CLSTN2: variants seen among roughly 807,000 people sequenced by gnomAD.
CLSTN2 encodes calsyntenin-2.
A neutral mutation model predicts 101.2 loss-of-function variants in CLSTN2; 48 were observed. The observed-to-expected ratio is 0.47, with a 90% CI of 0.38 to 0.60. The LOEUF (loss-of-function observed/expected upper bound fraction) is 0.60, where lower values mean the gene tolerates loss of function less well. Among genes scored for constraint, CLSTN2 ranks in the 20% least tolerant of loss-of-function variants. CLSTN2 has a pLI of 0.00. For synonymous variants in CLSTN2, 481 were observed against 463.6 expected, an observed-to-expected ratio of 1.04 and a Z score of -0.48; for missense variants, 1,160 against 1,238.2, an observed-to-expected ratio of 0.94 and a Z score of 0.95.
chr3:140,378,183 T>C (rs2087940357), intron 2 of CLSTN2, among the ~76,000 whole-genome samples: 1 of 152,218 alleles, frequency 6.6e-6, no homozygotes. Flanking sequence ...TGCTCAACAA[T>C]GAAATTTCTA....
At chr3:139,993,647 A>G (rs149617143) in intron 1 of CLSTN2, among the ~76,000 whole-genome samples, 116 of 152,282 alleles carry the variant, frequency 7.6e-4, no homozygotes, top group African/African-American at 2.7e-3. Context: ...CCGTGCCTGT[A>G]CTTTCTGGAT....
At chr3:140,266,527 T>C (rs1361233944) in intron 2 of CLSTN2, among the ~76,000 whole-genome samples, 1 of 152,178 alleles carries the variant, frequency 6.6e-6, no homozygotes, top group Non-Finnish European at 1.5e-5. Flanking sequence ...GGAGAGCTAT[T>C]CAAAGATGCA....
At chr3:140,465,312 C>T (rs1933664361) in intron 7 of CLSTN2, among the ~76,000 whole-genome samples, 1 of 152,236 alleles carries the variant, frequency 6.6e-6, no homozygotes, top group African/African-American at 2.4e-5. Context: ...AGCTCCAAGC[C>T]TCCCAGTGGT....
chr3:140,270,374 G>A (rs1430639916), intron 2 of CLSTN2, among the ~76,000 whole-genome samples: 1 of 152,198 alleles, frequency 6.6e-6, no homozygotes, highest in Non-Finnish European at 1.5e-5. Flanking sequence ...GGGTGTGTCT[G>A]TGGGAGACAG....
At chr3:140,194,522 T>C (rs986472904) in intron 2 of CLSTN2, among the ~76,000 whole-genome samples, 16 of 152,168 alleles carry the variant, frequency 1.1e-4, no homozygotes, top group Admixed American at 9.2e-4. Flanking sequence ...CATCTACTGA[T>C]TTAAAAAAAA....
intron 2 of CLSTN2, among the ~76,000 whole-genome samples, chr3:140,177,427 A>G (rs893137195): frequency 1.3e-5 from 2 of 152,194 alleles, no homozygotes; most frequent in Admixed American, 6.5e-5. Context: ...CAACCTCCGG[A>G]AATGAGATTT....
intron 2 of CLSTN2, among the ~76,000 whole-genome samples, chr3:140,220,637 A>T (rs761849398): frequency 1.4e-4 from 21 of 152,374 alleles, no homozygotes; most frequent in Middle Eastern, 3.4e-3. Context: ...ATCAGTAGAA[A>T]TATCTTCAAA....
intron 5 of CLSTN2, among the ~76,000 whole-genome samples, chr3:140,426,890 T>C (rs1243968217): frequency 6.6e-6 from 1 of 152,010 alleles, no homozygotes; most frequent in East Asian, 1.9e-4. Flanking sequence ...AAAGAGAGAA[T>C]GGGGCTGGGC....
At chr3:140,021,427 A>G (rs529227099) in intron 1 of CLSTN2, among the ~76,000 whole-genome samples, 2 of 152,204 alleles carry the variant, frequency 1.3e-5, no homozygotes, top group Non-Finnish European at 2.9e-5. Flanking sequence ...TACCGGCAGC[A>G]TTGCAGTGAG....
chr3:140,065,905 A>G (rs1323852345), intron 1 of CLSTN2, among the ~76,000 whole-genome samples: 1 of 152,208 alleles, frequency 6.6e-6, no homozygotes, highest in Non-Finnish European at 1.5e-5. Flanking sequence ...GATCTGCCCA[A>G]CCATGGTGGA....
At chr3:140,239,627 C>G (rs1482649157) in intron 2 of CLSTN2, among the ~76,000 whole-genome samples, 3 of 152,126 alleles carry the variant, frequency 2.0e-5, no homozygotes, top group African/African-American at 7.2e-5. Context: ...CAATATCATC[C>G]TCTGTGTCAG....
chr3:140,384,926 T>C (rs2088033426), intron 2 of CLSTN2, among the ~76,000 whole-genome samples: 3 of 152,222 alleles, frequency 2.0e-5, no homozygotes, highest in Non-Finnish European at 4.4e-5. Context: ...AGTGGAAATA[T>C]GGGATCTTTT....
chr3:139,967,931 G>A (rs1018805341), intron 1 of CLSTN2, among the ~76,000 whole-genome samples: 20 of 152,120 alleles, frequency 1.3e-4, no homozygotes, highest in African/African-American at 4.6e-4. Context: ...GGAACTACAT[G>A]TGATGATTCA....
intron 1 of CLSTN2, among the ~76,000 whole-genome samples, chr3:140,157,873 A>C (rs1232669876): frequency 2.6e-5 from 4 of 152,364 alleles, no homozygotes; most frequent in East Asian, 1.9e-4. Flanking sequence ...CAAATCAGTA[A>C]ATGTGATTCA....
intron 2 of CLSTN2, among the ~76,000 whole-genome samples, chr3:140,284,524 G>A (rs1376966859): frequency 2.0e-5 from 3 of 152,034 alleles, no homozygotes; most frequent in Non-Finnish European, 2.9e-5. Context: ...TCAAGTCCTT[G>A]AATCAGGCCT....
At chr3:140,410,527 C>A (rs2088351721) in intron 4 of CLSTN2, among the ~76,000 whole-genome samples, 1 of 151,726 alleles carries the variant, frequency 6.6e-6, no homozygotes, top group African/African-American at 2.4e-5. Context: ...GAATTCATCA[C>A]CACTAGACCT....
At chr3:140,520,066 A>G (rs1934995702) in intron 8 of CLSTN2, among the ~76,000 whole-genome samples, 1 of 152,214 alleles carries the variant, frequency 6.6e-6, no homozygotes, top group African/African-American at 2.4e-5. Flanking sequence ...TCACTTATGA[A>G]GCTAACTTTT....
intron 2 of CLSTN2, among the ~76,000 whole-genome samples, chr3:140,367,527 A>G (rs1412151851): frequency 6.6e-6 from 1 of 150,402 alleles, no homozygotes; most frequent in Non-Finnish European, 1.5e-5. Context: ...AAAAAAAAAA[A>G]AAAAAAAGGA....
chr3:140,420,291 CAAA>C (rs777798328), intron 4 of CLSTN2, among the ~76,000 whole-genome samples: 2 of 134,384 alleles, frequency 1.5e-5, no homozygotes, highest in Admixed American at 7.5e-5. Context: ...ACTCTGCCGC[CAAA>C]AAAAAAAAAA....
Sources: allele counts gnomAD v4.1 joint callset (sites outside exome capture counted in the v4.1 genomes callset), GRCh38; gene constraint gnomAD v4.1.1; transcripts MANE v1.5; gene names NCBI Gene and HGNC (gene_info 2026-07-23, HGNC 2026-07-21).